Variants in ADCY3 observed in about 807,000 individuals in gnomAD.
The protein encoded by ADCY3 is adenylate cyclase type 3.
Under a neutral mutation model 119.4 loss-of-function variants are expected in ADCY3, and 70 were observed. That is an observed-to-expected ratio of 0.59 (90% CI 0.48 to 0.72). The LOEUF (loss-of-function observed/expected upper bound fraction) is 0.72. Ranked by LOEUF, ADCY3 falls within the 30% of genes least tolerant of loss-of-function variation. ADCY3 has a pLI of 0.00. For missense variants in ADCY3, 1,238 were observed against 1,541.6 expected (o/e 0.80, Z 3.30); for synonymous variants, 672 against 621.4 (o/e 1.08, Z -1.21).
chr2:24,821,049 C>A (rs921815412), intron 20 of ADCY3: 5 of 606,900 alleles, frequency 8.2e-6, no homozygotes, highest in Non-Finnish European at 1.3e-5. Context: ...CAGCCGCCAC[C>A]CCCCCCCCAT....
Position 24,823,091 on chromosome 2 carries a change from G to C in ADCY3, c.2883+118C>G, listed in dbSNP as rs543660357. On this transcript the variant is annotated intron_variant, in intron 18 of 21. Coordinates refer to ENST00000679454, the MANE Select transcript of ADCY3 (RefSeq NM_004036.5). ...GTGGCTGCAGAAGTCCATGTATTGC[G>C]GAAGGGGCTTATCTGGGAAAATGAA... 2.3e-6 allele frequency: 3 copies of C among 1,302,684 alleles called. No individual in the cohort carries two copies. In the African/African-American group the frequency reaches 4.5e-5, roughly 19 times the overall value. 80.7% of individuals were successfully genotyped at this position (1,302,684 alleles called of 1,614,324 possible). A position where few individuals can be genotyped will look rare whatever the true frequency, so the allele number is the denominator to read the frequency against.
Position 24,842,492 on chromosome 2 carries a change from A to T in ADCY3, c.826-108T>A. Reference sequence around the variant, plus strand: ...ATCCTGGCAAGAAACGTGAGCAGGGAACCATGCTGCCCTCCAGAGAGACCT... The same window carrying T: ...ATCCTGGCAAGAAACGTGAGCAGGGTACCATGCTGCCCTCCAGAGAGACCT... On this transcript the variant is annotated intron_variant, in intron 3 of 21. Coordinates refer to ENST00000679454, the MANE Select transcript of ADCY3 (RefSeq NM_004036.5). The surrounding 1 kb of genome is among the most constrained non-coding windows in gnomAD (Gnocchi z 4.9). 7.1e-7 allele frequency: 1 copy of T among 1,407,550 alleles called. No homozygotes were observed. The highest frequency in any genetic ancestry group is 9.7e-7 in the Non-Finnish European group (1 of 1,029,294). The allele number at this position is 1,407,550 out of a possible 1,614,324, so 87.2% of individuals were successfully genotyped here. A position where few individuals can be genotyped will look rare whatever the true frequency, so the allele number is the denominator to read the frequency against.
At chr2:24,827,446 C>T (rs1668780331) in intron 15 of ADCY3, 100 bp downstream of exon 15, 2 of 1,352,856 alleles carry the variant, frequency 1.5e-6, no homozygotes, top group Non-Finnish European at 2.1e-6. Flanking sequence ...GGTCACGTGC[C>T]TCCCGGGAGG....
rs537114531 is a variant in ADCY3, at chr2:24,878,605, C to T, written c.676-5886G>A. Among the ~76,000 whole-genome samples the T allele has an allele frequency of 2.0e-5, 3 of 152,232 alleles. No individual in the cohort carries two copies. Among genetic ancestry groups the T allele is most frequent in the Non-Finnish European group, 4.4e-5 (3 of 68,010 alleles). On this transcript the variant is annotated intron_variant, in intron 2 of 21. Transcript: ENST00000679454. This position sits in a 1 kb window ranked among gnomAD's most constrained non-coding sequence, Gnocchi z 4.0. ...CTCGTCATTAAAACTTACTCAGATG[C>T]TTTAGGAAAAAGTCTCCTAGCAGCC...
At position 24,872,245 on chromosome 2, in the gene ADCY3, A is replaced by G. The variant is rs1050166477; in HGVS notation, c.825+325T>C. Among the ~76,000 whole-genome samples the G allele has an allele frequency of 1.3e-5, 2 of 152,230 alleles. No homozygotes were observed. Among genetic ancestry groups the G allele is most frequent in the African/African-American group, 4.8e-5 (2 of 41,468 alleles). On this transcript the variant is annotated intron_variant, in intron 3 of 21. Transcript: ENST00000679454. This position sits in a 1 kb window ranked among gnomAD's most constrained non-coding sequence, Gnocchi z 4.4. ...GGTCATCTGAGAAAGGAATGCAGGA[A>G]GTCATAGCTGGCTGCTTGGGCAATG... is the stretch of plus-strand genomic sequence containing the variant.
rs770768026 is a variant in ADCY3 at position 24,830,763 on chromosome 2, G to A, written c.2118C>T (p.Asn706=). Residue 706 remains asparagine (N), a synonymous_variant, in exon 13 of 22, where the codon AAC becomes AAT. Coordinates refer to ENST00000679454, the MANE Select transcript of ADCY3 (RefSeq NM_004036.5). ...TGAAGATGGCGAGCATGGCCCAGGTGTTCCTGGCCCAGCGGGTCCGGTCAA... is the reference window on the plus strand; with the variant it reads ...TGAAGATGGCGAGCATGGCCCAGGTATTCCTGGCCCAGCGGGTCCGGTCAA... ...TWIDRTRWAR[N]TWAMLAIFIL... The A allele has an allele frequency of 2.0e-5, 33 of 1,614,030 alleles. No individual in the cohort carries two copies. The highest frequency in any genetic ancestry group is 2.6e-5 in the Non-Finnish European group (31 of 1,180,022).
At chr2:24,892,111 C>T (rs1677723500) in intron 2 of ADCY3, among the ~76,000 whole-genome samples, 2 of 152,054 alleles carry the variant, frequency 1.3e-5, no homozygotes, top group Admixed American at 6.6e-5. Context: ...TCTAAGATCT[C>T]TTGTGATTTT....
intron 2 of ADCY3, among the ~76,000 whole-genome samples, chr2:24,873,210 A>G (rs1278266812): frequency 1.3e-5 from 2 of 152,210 alleles, no homozygotes; most frequent in Non-Finnish European, 2.9e-5. Flanking sequence ...AAAAGCTCAG[A>G]TGGCTTGGGA....
At chr2:24,911,217 CTTTT>C (rs61442701) in intron 2 of ADCY3, among the ~76,000 whole-genome samples, 2 of 93,482 alleles carry the variant, frequency 2.1e-5, no homozygotes, top group Non-Finnish European at 4.0e-5. Context: ...TATAAGGGTT[CTTTT>C]TTTTTTTTTT....
At chr2:24,904,152 A>G (rs372729064) in intron 2 of ADCY3, among the ~76,000 whole-genome samples, 4 of 152,128 alleles carry the variant, frequency 2.6e-5, no homozygotes, top group African/African-American at 7.2e-5. Context: ...AGAGAGAGAA[A>G]GAAAGAAAGA....
chr2:24,834,928 G>T lies in ADCY3; in HGVS notation c.1671C>A (p.Asn557Lys). The change falls in exon 10 of 22, where the codon AAC becomes AAA. Residue 557 changes from asparagine (N) to lysine (K), a missense_variant. Transcript: ENST00000679454. This position sits in a 1 kb window ranked among gnomAD's most constrained non-coding sequence, Gnocchi z 4.2. ...TCCGGCGTGGGTTGGGGAATGAGGG[G>T]TTGTCGGCCTGTGAGCCAGGGAGGC... ...KPEEQDAQADNPSFPNPRRRL... is the reference protein window; with the variant it reads ...KPEEQDAQADKPSFPNPRRRL... 6.2e-7 allele frequency: 1 copy of T among 1,613,436 alleles called. No individual in the cohort carries two copies. The highest frequency in any genetic ancestry group is 8.5e-7 in the Non-Finnish European group (1 of 1,179,854).
chr2:24,820,657 A>G, intron 21 of ADCY3, 67 bp downstream of exon 21: 1 of 1,599,650 alleles, frequency 6.3e-7, no homozygotes, highest in Admixed American at 1.7e-5. Context: ...GGCACGTGGG[A>G]AAGCACTGTT....
chr2:24,871,003 G>A (rs992407823), intron 3 of ADCY3, among the ~76,000 whole-genome samples: 12 of 152,118 alleles, frequency 7.9e-5, no homozygotes, highest in South Asian at 2.1e-4. Context: ...TCCACAAGAC[G>A]GTTCAGTGTG....
chr2:24,911,362 T>A (rs796294947), intron 2 of ADCY3, among the ~76,000 whole-genome samples: 9 of 150,730 alleles, frequency 6.0e-5, no homozygotes, highest in African/African-American at 2.2e-4. Context: ...ACACACACCA[T>A]CAGCCTGGGC....
At chr2:24,860,408 C>T (rs753588688) in intron 3 of ADCY3, among the ~76,000 whole-genome samples, 2 of 152,250 alleles carry the variant, frequency 1.3e-5, no homozygotes, top group Non-Finnish European at 1.5e-5. Context: ...CACAGGGAAG[C>T]GCCATGGCAC....
intron 3 of ADCY3, among the ~76,000 whole-genome samples, chr2:24,855,819 T>C (rs1186935784): frequency 2.0e-5 from 3 of 152,126 alleles, no homozygotes; most frequent in Non-Finnish European, 4.4e-5. Flanking sequence ...TGAGAGCAGA[T>C]GTGTTGAGCT....
At position 24,823,319 on chromosome 2, in the gene ADCY3, T is replaced by C. The variant is rs1668058328; in HGVS notation, c.2773A>G (p.Met925Val). ...YSQTYDEIGV[M>V]FASLPNFADF... ...GCAAAGTTGGGCAGGGAGGCAAACA[T>C]GACTCCAATCTCATCATACGTCTGG... The change falls in exon 18 of 22, where the codon ATG becomes GTG. Residue 925 changes from methionine to valine, a missense_variant. By Grantham distance (21) the Met-to-Val change is conservative. Coordinates refer to ENST00000679454, the MANE Select transcript of ADCY3 (RefSeq NM_004036.5). 1 of 1,613,858 alleles carries C rather than the reference T, an allele frequency of 6.2e-7. No individual in the cohort carries two copies. Among genetic ancestry groups the C allele is most frequent in the Non-Finnish European group, 8.5e-7 (1 of 1,179,970 alleles).
At chr2:24,875,309 G>A (rs1314128996) in intron 2 of ADCY3, among the ~76,000 whole-genome samples, 1 of 152,170 alleles carries the variant, frequency 6.6e-6, no homozygotes, top group Non-Finnish European at 1.5e-5. Context: ...CCACAAAGTC[G>A]TGGCTACAAG....
rs1670084288 is a variant in ADCY3 at position 24,834,846 on chromosome 2, C to T, written c.1753G>A (p.Glu585Lys). ...GCCTCGTTGAGCAGCTGGTTGAGCTCGTGCTCATCTTCAGAGGCATCCACC... is the reference window on the plus strand; with the variant it reads ...GCCTCGTTGAGCAGCTGGTTGAGCTTGTGCTCATCTTCAGAGGCATCCACC... ...RVVDASEDEH[E>K]LNQLLNEALL... Residue 585 changes from glutamate (E) to lysine (K), a missense_variant, in exon 10 of 22, where the codon GAG (glutamate) becomes AAG (lysine). By Grantham distance (56) the Glu-to-Lys change is moderately conservative. Transcript: ENST00000679454. The surrounding 1 kb of genome is among the most constrained non-coding windows in gnomAD (Gnocchi z 4.2). 6 of 1,613,736 alleles carry T rather than the reference C, an allele frequency of 3.7e-6. No homozygotes were observed. The highest frequency in any genetic ancestry group is 1.7e-5 in the Admixed American group (1 of 60,002).
Sources: allele counts gnomAD v4.1 joint callset (sites outside exome capture counted in the v4.1 genomes callset), GRCh38; gene constraint gnomAD v4.1.1; non-coding constraint Gnocchi (gnomAD v3.1); transcripts MANE v1.5; gene names NCBI Gene and HGNC (gene_info 2026-07-23, HGNC 2026-07-21).